The following NFATC3 variants were observed in gnomAD, a reference collection of about 807,000 sequenced individuals.
NFATC3 encodes nuclear factor of activated T-cells, cytoplasmic 3.
A neutral mutation model predicts 98.6 loss-of-function variants in NFATC3; 46 were observed. That is an observed-to-expected ratio of 0.47 (90% CI 0.37 to 0.60). The LOEUF (loss-of-function observed/expected upper bound fraction) is 0.60. Among genes scored for constraint, NFATC3 ranks in the 20% least tolerant of loss-of-function variants. The pLI is 0.00. For synonymous variants in NFATC3, 512 were observed against 472.2 expected, an observed-to-expected ratio of 1.08 and a Z score of -1.09; for missense variants, 1,256 against 1,295.5, an observed-to-expected ratio of 0.97 and a Z score of 0.47.
chr16:68,111,271 G>A (rs2035933719), intron 1 of NFATC3, among the ~76,000 whole-genome samples: 1 of 152,122 alleles, frequency 6.6e-6, no homozygotes, highest in Non-Finnish European at 1.5e-5. Context: ...CTCTTTGTAG[G>A]TTTCTAAAAA....
intron 1 of NFATC3, among the ~76,000 whole-genome samples, chr16:68,111,247 G>C (rs1292699951): frequency 1.3e-5 from 2 of 152,206 alleles, no homozygotes; most frequent in East Asian, 3.8e-4. Flanking sequence ...CTATTGTTGT[G>C]TGGGAGTCTA....
At chr16:68,114,577 T>C (rs1014145083) in intron 1 of NFATC3, among the ~76,000 whole-genome samples, 2 of 91,264 alleles carry the variant, frequency 2.2e-5, no homozygotes, top group African/African-American at 9.4e-5. Flanking sequence ...GGAAAAGCAC[T>C]TTTTTTTTTT....
chr16:68,161,408 T>A (rs2038886941), intron 4 of NFATC3, among the ~76,000 whole-genome samples: 1 of 152,234 alleles, frequency 6.6e-6, no homozygotes. Flanking sequence ...TTAACTTGGC[T>A]TGAGGGACAG....
At chr16:68,120,379 A>G (rs552018966) in intron 1 of NFATC3, among the ~76,000 whole-genome samples, 7 of 151,632 alleles carry the variant, frequency 4.6e-5, no homozygotes, top group African/African-American at 1.7e-4. Context: ...GGAGTTTGAG[A>G]CCAGCCTGGA....
At chr16:68,119,099 T>C (rs1467855703) in intron 1 of NFATC3, among the ~76,000 whole-genome samples, 1 of 152,054 alleles carries the variant, frequency 6.6e-6, no homozygotes, top group Admixed American at 6.6e-5. Context: ...GATCTCCTGA[T>C]CTCGTGATCC....
intron 9 of NFATC3, among the ~76,000 whole-genome samples, chr16:68,212,087 C>CT (rs2041429494): frequency 6.6e-6 from 1 of 152,170 alleles, no homozygotes; most frequent in Admixed American, 6.5e-5. Flanking sequence ...ACCTTCAAGT[C>CT]TGTTTTGGAG....
intron 1 of NFATC3, among the ~76,000 whole-genome samples, chr16:68,117,371 T>C (rs947932934): frequency 6.6e-6 from 1 of 152,214 alleles, no homozygotes; most frequent in Admixed American, 6.5e-5. Context: ...GGTGATACTT[T>C]TCTGTTTAGA....
At chr16:68,105,055 C>G (rs1279156007) in intron 1 of NFATC3, among the ~76,000 whole-genome samples, 1 of 149,852 alleles carries the variant, frequency 6.7e-6, no homozygotes, top group East Asian at 2.0e-4. Flanking sequence ...TGAATTCTGT[C>G]AAATGCTTTT....
rs1319224250 is a variant in NFATC3, at chr16:68,225,684, A to C, written c.3107-666A>C. ...ATGCCTAGGAGTGGAATTAGCATAG[A>C]CTCTTTAGTTGATAAGGCAAGGAAT... On this transcript the variant is annotated intron_variant, in intron 9 of 9. Transcript: ENST00000346183. The C allele has an allele frequency of 2.0e-5, 3 of 152,066 alleles. No homozygotes were observed. The East Asian group carries it at 5.8e-4, about 29-fold the overall frequency. The allele number at this position is 152,066 out of a possible 1,614,324, so 9.4% of individuals were successfully genotyped here. A position where few individuals can be genotyped will look rare whatever the true frequency, so the allele number is the denominator to read the frequency against.
chr16:68,194,105 GTAGA>G (rs776076221), intron 9 of NFATC3, among the ~76,000 whole-genome samples: 117 of 152,238 alleles, frequency 7.7e-4, no homozygotes, highest in African/African-American at 2.4e-3. Context: ...AAACTCTGAG[GTAGA>G]TAGTGACATT....
chr16:68,090,311 A>G (rs1359383222), intron 1 of NFATC3, among the ~76,000 whole-genome samples: 3 of 105,654 alleles, frequency 2.8e-5, no homozygotes, highest in African/African-American at 7.8e-5. Context: ...CCCCCCCAAC[A>G]TTTCTTTAAA....
chr16:68,226,302 C>G (rs1237633267), intron 9 of NFATC3, 48 bp from the exon 10 acceptor site: 1 of 1,537,324 alleles, frequency 6.5e-7, no homozygotes, highest in Admixed American at 2.3e-5. Flanking sequence ...CATCATATGG[C>G]TAATCACTCA....
Position 68,122,464 on chromosome 16 carries a change from CAG to C in NFATC3, c.584_585del (p.Glu195ValfsTer3). The stretch of plus-strand genomic sequence containing the variant: ...TCACATATTTATGATGATGTGGACT[CAG>C]AGTTGAATGAAGCTGCAGCCCGATT... On this transcript the variant is annotated frameshift_variant, in exon 2 of 10. Transcript: ENST00000346183. LOFTEE classifies it high-confidence loss of function. 1 of 1,614,104 alleles carries C rather than the reference CAG, an allele frequency of 6.2e-7. No homozygotes were observed.
In NFATC3 at chr16:68,085,728, T is replaced by A; in HGVS notation, c.47T>A (p.Leu16His). The change falls in exon 1 of 10, where the codon CTC (leucine) becomes CAC (histidine). Residue 16 changes from leucine to histidine, a missense_variant. Coordinates refer to ENST00000346183, the MANE Select transcript of NFATC3 (RefSeq NM_173165.3). ...GCCCACGACGAGCTCGACTTCAAAC[T>A]CGTCTTTGGCGAGGACGGGGCGCCG... ...CGAHDELDFKLVFGEDGAPAP... is the reference protein window; with the variant it reads ...CGAHDELDFKHVFGEDGAPAP... The A allele has an allele frequency of 6.6e-7, 1 of 1,512,034 alleles. No individual in the cohort carries two copies. The highest frequency in any genetic ancestry group is 1.5e-5 in the African/African-American group (1 of 68,828). 93.7% of individuals were successfully genotyped at this position (1,512,034 alleles called of 1,614,324 possible).
At chr16:68,177,032 C>CTTTTTTTTTTTTTTTTTTTTTT (rs548092276) in intron 6 of NFATC3, among the ~76,000 whole-genome samples, 1 of 133,110 alleles carries the variant, frequency 7.5e-6, no homozygotes, top group Non-Finnish European at 1.6e-5. Context: ...CTTTTCTTTT[C>CTTTTTTTTTTTTTTTTTTTTTT]TTTTTTTTTT....
At chr16:68,180,226 G>A (rs2151624082) in intron 6 of NFATC3, among the ~76,000 whole-genome samples, 1 of 152,250 alleles carries the variant, frequency 6.6e-6, no homozygotes, top group Non-Finnish European at 1.5e-5. Context: ...GACACAAGCA[G>A]ATATAACAGC....
chr16:68,098,301 T>A (rs1466190875), intron 1 of NFATC3, among the ~76,000 whole-genome samples: 4 of 86,086 alleles, frequency 4.6e-5, no homozygotes, highest in Non-Finnish European at 7.1e-5. Flanking sequence ...ATTATTATTA[T>A]TTTTTTTTTT....
chr16:68,194,972 G>C (rs922670241), intron 9 of NFATC3, among the ~76,000 whole-genome samples: 1 of 152,106 alleles, frequency 6.6e-6, no homozygotes. Flanking sequence ...CAAGAAAGGA[G>C]CCAGGTGCCG....
chr16:68,183,169 T>G (rs2040019253), intron 7 of NFATC3, 71 bp from the exon 8 acceptor site: 3 of 1,482,422 alleles, frequency 2.0e-6, no homozygotes, highest in Admixed American at 4.7e-5. Context: ...GACTCATGAG[T>G]TGTGATGTGT....
Sources: gnomAD v4.1 joint callset for allele counts (sites outside exome capture counted in the v4.1 genomes callset) on GRCh38, gnomAD v4.1.1 for gene constraint, MANE v1.5 for transcripts, NCBI Gene and HGNC (gene_info 2026-07-23, HGNC 2026-07-21) for gene names.